HDAC4: variants seen among roughly 807,000 people sequenced by gnomAD.
The protein encoded by HDAC4 is histone deacetylase 4, also known as histone deacetylase A.
In HDAC4, 16 loss-of-function variants were observed where a neutral mutation model predicts 135.1. The ratio of observed to expected loss-of-function variants is 0.12; its 90% CI spans 0.08 to 0.18. The LOEUF is 0.18. Ranked by LOEUF, HDAC4 falls within the 10% of genes least tolerant of loss-of-function variation. The pLI, the probability that HDAC4 is intolerant of heterozygous loss-of-function variation, is 1.00. For synonymous variants in HDAC4, 685 were observed against 653.4 expected, an observed-to-expected ratio of 1.05 and a Z score of -0.74; for missense variants, 1,143 against 1,511.8, an observed-to-expected ratio of 0.76 and a Z score of 4.05.
At chr2:239,186,017 G>A (rs1020693748) in intron 4 of HDAC4, among the ~76,000 whole-genome samples, 1 of 152,088 alleles carries the variant, frequency 6.6e-6, no homozygotes, top group Non-Finnish European at 1.5e-5. Context: ...CTGTGCAACA[G>A]TTGAGCGAGA....
intron 2 of HDAC4, among the ~76,000 whole-genome samples, chr2:239,344,148 C>T (rs1184280395): frequency 2.0e-5 from 3 of 152,154 alleles, no homozygotes; most frequent in African/African-American, 4.8e-5. Context: ...GAGGCAGCCA[C>T]GCACCTGCAC....
intron 2 of HDAC4, among the ~76,000 whole-genome samples, chr2:239,250,486 C>CCTGCCACTGGGG (rs60514444): frequency 0.12 from 17,917 of 152,158 alleles, 1,129 homozygotes; most frequent in African/African-American, 0.13. Context: ...CACGTGCCTT[C>CCTGCCACTGGGG]CTGCCACTGG....
intron 1 of HDAC4, among the ~76,000 whole-genome samples, chr2:239,398,174 C>T (rs1031734729): frequency 4.6e-5 from 7 of 152,274 alleles, no homozygotes; most frequent in African/African-American, 1.4e-4. Context: ...GCCTCTGCGG[C>T]TCCTTCGCGC....
intron 1 of HDAC4, among the ~76,000 whole-genome samples, chr2:239,362,307 T>C (rs1028138977): frequency 6.6e-6 from 1 of 152,208 alleles, no homozygotes; most frequent in Non-Finnish European, 1.5e-5. Context: ...TGTGGGTGTA[T>C]TTCCTTCACC....
At chr2:239,399,589 A>G (rs1696801993) in intron 1 of HDAC4, among the ~76,000 whole-genome samples, 1 of 152,234 alleles carries the variant, frequency 6.6e-6, no homozygotes, top group African/African-American at 2.4e-5. Flanking sequence ...ACCTGCCAGT[A>G]TCCCCCCAGT....
At chr2:239,288,089 A>G (rs1417043990) in intron 2 of HDAC4, among the ~76,000 whole-genome samples, 2 of 152,148 alleles carry the variant, frequency 1.3e-5, no homozygotes, top group South Asian at 2.1e-4. Flanking sequence ...GACCTTAAAA[A>G]AGGAAAATTA....
intron 3 of HDAC4, among the ~76,000 whole-genome samples, chr2:239,197,443 G>A (rs554812453): frequency 1.3e-5 from 2 of 152,256 alleles, no homozygotes; most frequent in African/African-American, 2.4e-5. Context: ...ACTGCTGGGC[G>A]CCTGGCTGGT....
intron 1 of HDAC4, among the ~76,000 whole-genome samples, chr2:239,373,805 A>G (rs188681586): frequency 2.4e-4 from 37 of 152,298 alleles, no homozygotes; most frequent in African/African-American, 8.9e-4. Context: ...AAAAGTTGTC[A>G]TTTTTATTCT....
At chr2:239,102,669 G>C (rs539073689) in intron 16 of HDAC4, 107 bp downstream of exon 16, 2 of 1,293,382 alleles carry the variant, frequency 1.5e-6, no homozygotes, top group Admixed American at 3.8e-5. Context: ...CTTATAACCT[G>C]GCAGGCGACA....
intron 2 of HDAC4, among the ~76,000 whole-genome samples, chr2:239,269,183 A>G (rs111945590): frequency 6.6e-4 from 100 of 151,946 alleles, no homozygotes; most frequent in African/African-American, 2.4e-3. Flanking sequence ...ACCCACATTC[A>G]CACACCCACA....
At chr2:239,270,471 G>A (rs2049998542) in intron 2 of HDAC4, among the ~76,000 whole-genome samples, 1 of 152,200 alleles carries the variant, frequency 6.6e-6, no homozygotes. Flanking sequence ...ACTTTAAAAT[G>A]AGATAGAATG....
At chr2:239,213,595 CGGA>C (rs888111394) in intron 3 of HDAC4, among the ~76,000 whole-genome samples, 2 of 152,226 alleles carry the variant, frequency 1.3e-5, no homozygotes, top group African/African-American at 4.8e-5. Flanking sequence ...TTTTCCAGCT[CGGA>C]GAGTGGCCGG....
chr2:239,112,943 G>A (rs934841124), intron 13 of HDAC4, among the ~76,000 whole-genome samples: 6 of 152,220 alleles, frequency 3.9e-5, no homozygotes, highest in Admixed American at 3.9e-4. Context: ...TTAGGAATCA[G>A]GCTGGGCGTG....
intron 18 of HDAC4, among the ~76,000 whole-genome samples, chr2:239,088,906 T>G (rs1186942800): frequency 6.6e-6 from 1 of 152,180 alleles, no homozygotes; most frequent in East Asian, 1.9e-4. Flanking sequence ...TGATACTGTA[T>G]GGGTCAGAAT....
rs527813791 is a variant in HDAC4, at chr2:239,379,293, G to A, written c.-220+21685C>T. On this transcript the variant is annotated intron_variant, in intron 1 of 26. Coordinates refer to ENST00000543185, the MANE Select transcript of HDAC4 (RefSeq NM_001378414.1). ...TGGGTCCCTGCAAGTGCTGGCTCCC[G>A]CGCAGGTGGGCGAGCCCCGGGGAGA... Among the ~76,000 whole-genome samples the A allele has an allele frequency of 5.9e-5, 9 of 152,258 alleles. No homozygotes were observed. In the East Asian group the frequency reaches 9.7e-4, roughly 16 times the overall value.
rs2039056996 is a variant in HDAC4 at position 239,115,616 on chromosome 2, G to A, written c.1534-306C>T. ...CTTCTGTGTCAGGCACCGAGAAACAGAAAAGAAGCTGCAGGTGTCAACAGA... is the reference window on the plus strand; with the variant it reads ...CTTCTGTGTCAGGCACCGAGAAACAAAAAAGAAGCTGCAGGTGTCAACAGA... On this transcript the variant is annotated intron_variant, in intron 12 of 26. Coordinates refer to ENST00000543185, the MANE Select transcript of HDAC4 (RefSeq NM_001378414.1). The surrounding 1 kb of genome is among the most constrained non-coding windows in gnomAD (Gnocchi z 6.3). Among the ~76,000 whole-genome samples, 2 of 152,154 alleles carry A rather than the reference G, an allele frequency of 1.3e-5. No homozygotes were observed. Among genetic ancestry groups the A allele is most frequent in the Admixed American group, 6.5e-5 (1 of 15,282 alleles).
rs535522421 is a variant in HDAC4, at chr2:239,388,300, G to A, written c.-220+12678C>T. On this transcript the variant is annotated intron_variant, in intron 1 of 26. Coordinates refer to ENST00000543185, the MANE Select transcript of HDAC4 (RefSeq NM_001378414.1). The stretch of plus-strand genomic sequence containing the variant: ...CACTGTGGCTCTCCGCTCGCTGGAG[G>A]GCCGCAAGCCTGGACTTTGAAGCTC... 7.2e-5 allele frequency among the ~76,000 whole-genome samples: 11 copies of A among 152,348 alleles called. No homozygotes were observed. In the East Asian group the frequency reaches 1.9e-3, roughly 27 times the overall value.
At chr2:239,333,810 A>T (rs958434420) in intron 2 of HDAC4, among the ~76,000 whole-genome samples, 1 of 152,210 alleles carries the variant, frequency 6.6e-6, no homozygotes, top group Non-Finnish European at 1.5e-5. Context: ...AACAAAAGTA[A>T]ACTGCATTCA....
intron 7 of HDAC4, among the ~76,000 whole-genome samples, chr2:239,148,599 C>T (rs1542232): frequency 0.014 from 2,142 of 152,344 alleles, 56 homozygotes; most frequent in African/African-American, 0.048. Flanking sequence ...GGAAACCCGT[C>T]CCAACCAACT....
Sources: allele counts gnomAD v4.1 joint callset (sites outside exome capture counted in the v4.1 genomes callset), GRCh38; gene constraint gnomAD v4.1.1; non-coding constraint Gnocchi (gnomAD v3.1); transcripts MANE v1.5; gene names NCBI Gene and HGNC (gene_info 2026-07-23, HGNC 2026-07-21).